Variants in USP37 observed in about 807,000 individuals in gnomAD.
The protein encoded by USP37 is ubiquitin specific peptidase 37, also known as ubiquitin carboxyl-terminal hydrolase 37.
Under a neutral mutation model 124.0 loss-of-function variants are expected in USP37, and 27 were observed. The ratio of observed to expected loss-of-function variants is 0.22; its 90% confidence interval spans 0.16 to 0.30. The LOEUF (loss-of-function observed/expected upper bound fraction) is 0.30, where lower values mean the gene tolerates loss of function less well. Ranked by LOEUF, USP37 falls within the 10% of genes least tolerant of loss-of-function variation. USP37 has a pLI of 1.00. For missense variants in USP37, 889 were observed against 1,140.4 expected, an observed-to-expected ratio of 0.78 and a Z score of 3.17; for synonymous variants, 365 against 388.0, an observed-to-expected ratio of 0.94 and a Z score of 0.70.
intron 15 of USP37, among the ~76,000 whole-genome samples, chr2:218,486,939 G>A (rs1414149388): frequency 6.6e-6 from 1 of 151,992 alleles, no homozygotes; most frequent in Non-Finnish European, 1.5e-5. Flanking sequence ...TGTTAGCCAG[G>A]ATGGTCTCGA....
rs535745113 is a variant in USP37 at position 218,551,470 on chromosome 2, T to C, written c.329-1561A>G. Among the ~76,000 whole-genome samples the C allele has an allele frequency of 2.5e-3, 376 of 152,368 alleles. 2 individuals are homozygous for C. Among genetic ancestry groups the C allele is most frequent in the African/African-American group, 8.5e-3 (353 of 41,580 alleles). ...CCCTGAAATCAAGGTGATACTTTCA[T>C]GTTAGAGATTAGGAAATTAAAATTC... On this transcript the variant is annotated intron_variant, in intron 5 of 25. Coordinates refer to ENST00000258399, the MANE Select transcript of USP37 (RefSeq NM_020935.3).
chr2:218,470,574 T>C (rs1302508001), intron 20 of USP37, among the ~76,000 whole-genome samples: 1 of 152,274 alleles, frequency 6.6e-6, no homozygotes, highest in African/African-American at 2.4e-5. Context: ...CTTCAGGCCA[T>C]GCAAAAACCA....
intron 11 of USP37, among the ~76,000 whole-genome samples, chr2:218,503,514 G>A (rs1574894679): frequency 1.3e-5 from 2 of 152,138 alleles, no homozygotes; most frequent in African/African-American, 2.4e-5. Context: ...TCAGGAGTTC[G>A]AGACCAGCCT....
At chr2:218,497,545 C>T (rs1054919275) in intron 13 of USP37, among the ~76,000 whole-genome samples, 189 bp downstream of exon 13, 1 of 151,612 alleles carries the variant, frequency 6.6e-6, no homozygotes, top group Admixed American at 6.6e-5. Flanking sequence ...AGGCGCATGC[C>T]ACCACGCCTG....
intron 1 of USP37, among the ~76,000 whole-genome samples, chr2:218,564,557 A>G (rs1450440998): frequency 6.6e-6 from 1 of 152,146 alleles, no homozygotes; most frequent in Non-Finnish European, 1.5e-5. Context: ...AATCCTTTAC[A>G]TTGTAACATC....
At chr2:218,562,646 T>C (rs941244899) in intron 2 of USP37, 27 bp downstream of exon 2, 4 of 398,088 alleles carry the variant, frequency 1.0e-5, no homozygotes, top group Non-Finnish European at 1.8e-5. Flanking sequence ...CTTTGAAACA[T>C]ATATCCAAAA....
At chr2:218,511,634 A>G (rs1690003508) in intron 10 of USP37, among the ~76,000 whole-genome samples, 1 of 150,694 alleles carries the variant, frequency 6.6e-6, no homozygotes, top group African/African-American at 2.4e-5. Context: ...TTTAGTAGAG[A>G]AGGGGTTTCA....
rs1386325157 is a variant in USP37, at chr2:218,493,787, C to A, written c.1472+1973G>T. The stretch of plus-strand genomic sequence containing the variant: ...TGCCCAGCCTGATATGGCCTGCTTT[C>A]TTCTGGGTTGCCTGAATGATCCCAC... On this transcript the variant is annotated intron_variant, in intron 14 of 25. Transcript: ENST00000258399. Among the ~76,000 whole-genome samples, 3 of 152,120 alleles carry A rather than the reference C, an allele frequency of 2.0e-5. No individual in the cohort carries two copies. The East Asian group carries it at 5.8e-4, about 29-fold the overall frequency.
intron 14 of USP37, among the ~76,000 whole-genome samples, chr2:218,494,736 T>C (rs553356110): frequency 6.6e-6 from 1 of 152,200 alleles, no homozygotes; most frequent in African/African-American, 2.4e-5. Context: ...GTACTACAGA[T>C]GACTGGAAGA....
intron 6 of USP37, among the ~76,000 whole-genome samples, chr2:218,547,583 C>CAAAAAAAAAA (rs58787835): frequency 1.1e-4 from 8 of 71,590 alleles, no homozygotes; most frequent in Admixed American, 1.5e-4. Context: ...AATTACTAAC[C>CAAAAAAAAAA]AAAAAAAAAA....
In USP37 at chr2:218,455,020, T is replaced by A. The variant is rs371329311; in HGVS notation, c.2853-3A>T. 56 of 1,612,874 alleles carry A rather than the reference T, an allele frequency of 3.5e-5. No homozygotes were observed. Among genetic ancestry groups the A allele is most frequent in the Non-Finnish European group, 4.6e-5 (54 of 1,179,856 alleles). Reference sequence around the variant, plus strand: ...CCAGCAGCTCATCAAAGATCTCCCTTAAGATAAAACAAGCAAAAAATAAAA... The same window carrying A: ...CCAGCAGCTCATCAAAGATCTCCCTAAAGATAAAACAAGCAAAAAATAAAA... On this transcript the variant is annotated splice_region_variant and splice_polypyrimidine_tract_variant and intron_variant, in intron 25 of 25. Coordinates refer to ENST00000258399, the MANE Select transcript of USP37 (RefSeq NM_020935.3).
intron 10 of USP37, among the ~76,000 whole-genome samples, chr2:218,512,397 A>G (rs1422379629): frequency 6.6e-6 from 1 of 152,144 alleles, no homozygotes; most frequent in Non-Finnish European, 1.5e-5. Flanking sequence ...GTCCCCAGCT[A>G]CTTGAGAGGC....
At chr2:218,515,730 C>CA (rs1355494689) in intron 10 of USP37, among the ~76,000 whole-genome samples, 6 of 152,212 alleles carry the variant, frequency 3.9e-5, no homozygotes, top group African/African-American at 1.4e-4. Flanking sequence ...TTCTGCACAG[C>CA]AAAAGAAACT....
At chr2:218,498,267 A>T in intron 11 of USP37, 110 bp from the exon 12 acceptor site, 1 of 1,167,652 alleles carries the variant, frequency 8.6e-7, no homozygotes, top group African/African-American at 1.6e-5. Context: ...AGGGCTTGTT[A>T]AACTACATAT....
At chr2:218,511,322 T>C (rs1451244052) in intron 10 of USP37, among the ~76,000 whole-genome samples, 1 of 152,122 alleles carries the variant, frequency 6.6e-6, no homozygotes, top group Non-Finnish European at 1.5e-5. Context: ...ATTTTCTTTT[T>C]TTTGAGATGA....
chr2:218,515,917 C>T (rs552445305), intron 10 of USP37, among the ~76,000 whole-genome samples: 4 of 151,640 alleles, frequency 2.6e-5, no homozygotes, highest in African/African-American at 7.3e-5. Context: ...GACATTTATG[C>T]GGCTAACAAA....
intron 11 of USP37, 80 bp from the exon 12 acceptor site, chr2:218,498,237 T>C (rs1465240980): frequency 1.4e-6 from 2 of 1,402,012 alleles, no homozygotes; most frequent in East Asian, 2.5e-5. Flanking sequence ...TTCTCCACTT[T>C]ATGTTTCAGA....
chr2:218,530,296 C>T (rs1196716479), intron 9 of USP37, among the ~76,000 whole-genome samples: 1 of 152,116 alleles, frequency 6.6e-6, no homozygotes, highest in African/African-American at 2.4e-5. Flanking sequence ...GCCATTTTCC[C>T]AACAGTATAC....
chr2:218,471,306 A>T (rs183661253), intron 20 of USP37, among the ~76,000 whole-genome samples: 7 of 152,326 alleles, frequency 4.6e-5, no homozygotes, highest in Admixed American at 3.9e-4. Flanking sequence ...TTTGAGAAGC[A>T]CTGGTCTAGG....
Sources: gnomAD v4.1 joint callset for allele counts (sites outside exome capture counted in the v4.1 genomes callset) on GRCh38, gnomAD v4.1.1 for gene constraint, MANE v1.5 for transcripts, NCBI Gene and HGNC (gene_info 2026-07-23, HGNC 2026-07-21) for gene names.